Variants in R3HDM1 observed in about 807,000 individuals in gnomAD.
The protein encoded by R3HDM1 is R3H domain-containing protein 1.
A neutral mutation model predicts 141.1 loss-of-function variants in R3HDM1; 46 were observed. That is an observed-to-expected ratio of 0.33 (90% CI 0.26 to 0.42). R3HDM1 has a LOEUF of 0.42. Among genes scored for constraint, R3HDM1 ranks in the 10% least tolerant of loss-of-function variants. R3HDM1 has a pLI of 1.00. For synonymous variants in R3HDM1, 435 were observed against 472.9 expected (o/e 0.92, Z 1.04); for missense variants, 1,184 against 1,368.3 (o/e 0.87, Z 2.12).
chr2:135,571,930 G>A (rs6730265), intron 1 of R3HDM1, among the ~76,000 whole-genome samples: 1 of 151,990 alleles, frequency 6.6e-6, no homozygotes, highest in Non-Finnish European at 1.5e-5. Flanking sequence ...GTGGCCTGCA[G>A]AATTTTATTT....
In R3HDM1 at chr2:135,703,579, G is replaced by A. The variant is rs1476326263; in HGVS notation, c.2460-5854G>A. Among the ~76,000 whole-genome samples the A allele has an allele frequency of 3.3e-5, 5 of 151,890 alleles. No homozygotes were observed. In the East Asian group the frequency reaches 5.8e-4, roughly 18 times the overall value. On this transcript the variant is annotated intron_variant, in intron 21 of 26. Coordinates refer to ENST00000683871, the MANE Select transcript of R3HDM1 (RefSeq NM_001378107.1). Reference sequence around the variant, plus strand: ...TGAAAGCAACAATCTTAGGGCAGGCGTCCCCACTCCCTTTTTTTAATACTT... The same window carrying A: ...TGAAAGCAACAATCTTAGGGCAGGCATCCCCACTCCCTTTTTTTAATACTT...
Position 135,680,239 on chromosome 2 carries a change from A to C in R3HDM1, c.2374A>C (p.Asn792His). Residue 792 changes from asparagine (N) to histidine (H), a missense_variant, in exon 21 of 27, where the codon AAT becomes CAT. This residue lies in a region of R3HDM1 where 563 missense variants were observed against 562.0 expected (regional missense o/e 1.00). Transcript: ENST00000683871. ...TTATCAACAGCCTGTTATGTTCCCT[A>C]ATCAGTCTAATCAAGGATCTATGCC... is the stretch of plus-strand genomic sequence containing the variant. ...QTYQQPVMFP[N>H]QSNQGSMPTT... The C allele has an allele frequency of 6.2e-7, 1 of 1,613,180 alleles. No homozygotes were observed. The highest frequency in any genetic ancestry group is 1.6e-4 in the Middle Eastern group (1 of 6,062).
intron 1 of R3HDM1, chr2:135,549,954 T>C (rs746506479): frequency 2.1e-6 from 2 of 945,356 alleles, no homozygotes; most frequent in Non-Finnish European, 2.5e-6. Context: ...GTGTAACTTT[T>C]GTATTATAAA....
intron 1 of R3HDM1, among the ~76,000 whole-genome samples, chr2:135,600,964 T>C (rs2059577742): frequency 6.6e-6 from 1 of 152,212 alleles, no homozygotes; most frequent in African/African-American, 2.4e-5. Context: ...CTGCAGCTAT[T>C]GCCTTATCTA....
intron 21 of R3HDM1, among the ~76,000 whole-genome samples, chr2:135,703,861 T>C (rs996719552): frequency 3.9e-5 from 6 of 152,162 alleles, no homozygotes; most frequent in Admixed American, 2.6e-4. Context: ...ACAAAAAATA[T>C]ATATAAAATG....
intron 1 of R3HDM1, chr2:135,581,310 C>A (rs148338597): frequency 1.0e-6 from 1 of 985,346 alleles, no homozygotes; most frequent in Admixed American, 6.1e-5. Flanking sequence ...AACTCTCATG[C>A]GTCCTTCCTT....
At chr2:135,622,937 T>C (rs2061645605) in intron 7 of R3HDM1, 2 of 982,080 alleles carry the variant, frequency 2.0e-6, no homozygotes, top group Admixed American at 6.2e-5. Flanking sequence ...CATGTCACCA[T>C]GATGTATGAA....
intron 21 of R3HDM1, among the ~76,000 whole-genome samples, chr2:135,702,765 C>T (rs1214138991): frequency 1.3e-5 from 2 of 151,384 alleles, no homozygotes; most frequent in African/African-American, 2.4e-5. Context: ...TGCAGCGAGC[C>T]GAGATCGCAC....
At position 135,618,463 on chromosome 2, in the gene R3HDM1, A is replaced by ATT. The variant is rs755774961; in HGVS notation, c.303+1726_303+1727dup. Among the ~76,000 whole-genome samples, 440 of 124,100 alleles carry ATT rather than the reference A, an allele frequency of 3.5e-3. 5 individuals are homozygous for ATT. Among genetic ancestry groups the ATT allele is most frequent in the African/African-American group, 0.012 (395 of 33,314 alleles). 81.4% of individuals were successfully genotyped at this position (124,100 alleles called of 152,430 possible). A position where few individuals can be genotyped will look rare whatever the true frequency, so the allele number is the denominator to read the frequency against. On this transcript the variant is annotated intron_variant, in intron 5 of 26. Coordinates refer to ENST00000683871, the MANE Select transcript of R3HDM1 (RefSeq NM_001378107.1). ...AAGTGTGAGCCACCGCGCCCGGCTGATTTTTTTTTTTTTTTTTTTTTGATG... is the reference window on the plus strand; with the variant it reads ...AAGTGTGAGCCACCGCGCCCGGCTGATTTTTTTTTTTTTTTTTTTTTTTGATG...
chr2:135,633,494 C>T (rs959434103), intron 9 of R3HDM1, among the ~76,000 whole-genome samples: 2 of 152,056 alleles, frequency 1.3e-5, no homozygotes, highest in Non-Finnish European at 2.9e-5. Context: ...TAATCAAAAG[C>T]TAGGCTCAGC....
At position 135,555,189 on chromosome 2, in the gene R3HDM1, A is replaced by G. The variant is rs201666177; in HGVS notation, c.-250+23556A>G. 1.8e-4 allele frequency among the ~76,000 whole-genome samples: 27 copies of G among 151,582 alleles called. 1 individual carries two copies. In the East Asian group the frequency reaches 5.2e-3, roughly 29 times the overall value. On this transcript the variant is annotated intron_variant, in intron 1 of 26. Coordinates refer to ENST00000683871, the MANE Select transcript of R3HDM1 (RefSeq NM_001378107.1). The stretch of plus-strand genomic sequence containing the variant: ...GTGGTGCGTGCCTGTAGTCCTAGCT[A>G]CTCGGGAGGCTGAGGCAGAATTGCT...
intron 23 of R3HDM1, among the ~76,000 whole-genome samples, chr2:135,713,107 CAG>C (rs1287841371): frequency 6.6e-6 from 1 of 151,822 alleles, no homozygotes; most frequent in Non-Finnish European, 1.5e-5. Context: ...GAGGCTGAAC[CAG>C]GAGGATTGCT....
intron 1 of R3HDM1, chr2:135,559,021 C>A (rs901584755): frequency 5.1e-6 from 5 of 982,140 alleles, no homozygotes; most frequent in Non-Finnish European, 6.0e-6. Context: ...AACTAAAATA[C>A]CTTATCAGTG....
intron 1 of R3HDM1, among the ~76,000 whole-genome samples, chr2:135,562,096 A>G (rs1701909926): frequency 6.6e-6 from 1 of 152,248 alleles, no homozygotes; most frequent in African/African-American, 2.4e-5. Context: ...GAGATACTTA[A>G]AGAGAAACAG....
rs573793974 is a variant in R3HDM1 at position 135,623,622 on chromosome 2, G to A, written c.497+890G>A. ...GAAGGATTATAGGTAAGGATTTAGAGAGAAGGTAGGCAACTCTCCTTGACT... is the reference window on the plus strand; with the variant it reads ...GAAGGATTATAGGTAAGGATTTAGAAAGAAGGTAGGCAACTCTCCTTGACT... On this transcript the variant is annotated intron_variant, in intron 7 of 26. Coordinates refer to ENST00000683871, the MANE Select transcript of R3HDM1 (RefSeq NM_001378107.1). Among the ~76,000 whole-genome samples the A allele has an allele frequency of 2.0e-5, 3 of 152,314 alleles. No individual in the cohort carries two copies. The East Asian group carries it at 5.8e-4, about 29-fold the overall frequency.
At chr2:135,671,599 C>T (rs1468221756) in intron 19 of R3HDM1, among the ~76,000 whole-genome samples, 1 of 151,770 alleles carries the variant, frequency 6.6e-6, no homozygotes, top group Non-Finnish European at 1.5e-5. Context: ...GAACTCCTGA[C>T]GTCAGGTGAT....
intron 1 of R3HDM1, among the ~76,000 whole-genome samples, chr2:135,582,927 A>G (rs542901635): frequency 3.3e-4 from 50 of 152,352 alleles, no homozygotes; most frequent in South Asian, 6.2e-4. Context: ...AAGGAGGCCT[A>G]CTGGAAAGGG....
chr2:135,533,088 C>T (rs918168001), intron 1 of R3HDM1, among the ~76,000 whole-genome samples: 5 of 152,066 alleles, frequency 3.3e-5, no homozygotes, highest in African/African-American at 1.2e-4. Context: ...AACTAGTACA[C>T]CTAGTTACAG....
At chr2:135,629,967 C>G (rs2105209965) in intron 7 of R3HDM1, among the ~76,000 whole-genome samples, 1 of 151,558 alleles carries the variant, frequency 6.6e-6, no homozygotes, top group Admixed American at 6.6e-5. Flanking sequence ...TGCCTGGATC[C>G]AGGGTTGTGG....
Sources: allele counts gnomAD v4.1 joint callset (sites outside exome capture counted in the v4.1 genomes callset), GRCh38; gene constraint gnomAD v4.1.1; regional missense constraint gnomAD v4.1.1; transcripts MANE v1.5; gene names NCBI Gene and HGNC (gene_info 2026-07-23, HGNC 2026-07-21).